CACNA1C: variants seen among roughly 807,000 people sequenced by gnomAD.
CACNA1C encodes calcium voltage-gated channel subunit alpha1 C.
In CACNA1C, 30 loss-of-function variants were observed where a neutral mutation model predicts 229.0. That is an observed-to-expected ratio of 0.13 (90% CI 0.10 to 0.18). The LOEUF is 0.18. Ranked by LOEUF, CACNA1C falls within the 10% of genes least tolerant of loss-of-function variation. The pLI is 1.00. For synonymous variants in CACNA1C, 1,114 were observed against 1,132.5 expected, an observed-to-expected ratio of 0.98 and a Z score of 0.33; for missense variants, 1,658 against 2,845.0, an observed-to-expected ratio of 0.58 and a Z score of 9.49.
At chr12:2,244,894 C>G (rs150142379) in intron 3 of CACNA1C, among the ~76,000 whole-genome samples, 3 of 152,242 alleles carry the variant, frequency 2.0e-5, no homozygotes, top group Non-Finnish European at 4.4e-5. Flanking sequence ...CTTTTATCAA[C>G]AAAAAACAAA....
intron 29 of CACNA1C, among the ~76,000 whole-genome samples, chr12:2,618,330 T>G (rs538547692): frequency 1.3e-5 from 2 of 152,286 alleles, no homozygotes; most frequent in African/African-American, 4.8e-5. Flanking sequence ...TCAGTCTGGA[T>G]GGTAATCAGA....
chr12:2,695,699 A>G lies in CACNA1C; in HGVS notation c.*4500A>G, dbSNP rs957096746. On this transcript the variant is annotated 3_prime_UTR_variant, in exon 47 of 47. Coordinates refer to ENST00000399655, the MANE Select transcript of CACNA1C (RefSeq NM_000719.7). Reference sequence around the variant, plus strand: ...TCCTCCCCAACACCTAGTGAGAAAGACGGTGCGTGGAAGGGAGTCCCATGG... The same window carrying G: ...TCCTCCCCAACACCTAGTGAGAAAGGCGGTGCGTGGAAGGGAGTCCCATGG... 1 of 152,204 alleles carries G rather than the reference A, an allele frequency of 6.6e-6. No homozygotes were observed. Among genetic ancestry groups the G allele is most frequent in the African/African-American group, 2.4e-5 (1 of 41,434 alleles). 9.4% of individuals were successfully genotyped at this position (152,204 alleles called of 1,614,324 possible). A position where few individuals can be genotyped will look rare whatever the true frequency, so the allele number is the denominator to read the frequency against.
chr12:2,093,858 A>AC (rs1334539856), intron 1 of CACNA1C, among the ~76,000 whole-genome samples: 1 of 152,198 alleles, frequency 6.6e-6, no homozygotes. Flanking sequence ...CTGCCAGGGG[A>AC]CCACCCAATA....
chr12:2,682,261 A>G (rs897229176), intron 42 of CACNA1C, among the ~76,000 whole-genome samples: 3 of 152,058 alleles, frequency 2.0e-5, no homozygotes, highest in Non-Finnish European at 4.4e-5. Context: ...GAGGTGGACC[A>G]AGTGACTTGG....
chr12:2,390,082 T>C (rs2098457783), intron 3 of CACNA1C, among the ~76,000 whole-genome samples: 1 of 152,204 alleles, frequency 6.6e-6, no homozygotes, highest in African/African-American at 2.4e-5. Flanking sequence ...TTTGACCCAT[T>C]CCCTTTAATT....
At chr12:2,052,567 GGGGGGCGCGACGCCGCCGGCGGGGCGCGA>G (rs2052523129), upstream of CACNA1C, among the ~76,000 whole-genome samples, 1 of 147,542 alleles carries the variant, frequency 6.8e-6, no homozygotes, top group Admixed American at 6.7e-5. Context: ...AGGCCGGCGC[GGGGGGCGCGACGCCGCCGGCGGGGCGCGA>G]GGGGGTGTGT....
intron 13 of CACNA1C, among the ~76,000 whole-genome samples, chr12:2,579,557 G>GTAT (rs142973880): frequency 0.05 from 7,567 of 151,878 alleles, 652 homozygotes; most frequent in African/African-American, 0.17. Flanking sequence ...ACCCCTACTG[G>GTAT]TATTGTTGTT....
At chr12:1,990,271 T>C (rs1156900073) in intron 1 of CACNA1C, among the ~76,000 whole-genome samples, 1 of 152,242 alleles carries the variant, frequency 6.6e-6, no homozygotes, top group Non-Finnish European at 1.5e-5. Flanking sequence ...TAAATGTTTG[T>C]TGAATAAATG....
chr12:2,007,386 A>G (rs368440811), intron 1 of CACNA1C, among the ~76,000 whole-genome samples: 2 of 152,238 alleles, frequency 1.3e-5, no homozygotes, highest in African/African-American at 4.8e-5. Context: ...GGCCATTGTA[A>G]AAGCTTAAAT....
intron 4 of CACNA1C, among the ~76,000 whole-genome samples, chr12:2,453,008 T>C (rs916821786): frequency 3.9e-5 from 6 of 152,070 alleles, no homozygotes; most frequent in African/African-American, 1.4e-4. Context: ...CCAGCTAACA[T>C]AGGAAGCCAT....
At position 2,601,403 on chromosome 12, in the gene CACNA1C, C is replaced by T. The variant is rs920518314; in HGVS notation, c.2854-451C>T. On this transcript the variant is annotated intron_variant, in intron 21 of 46. Coordinates refer to ENST00000399655, the MANE Select transcript of CACNA1C (RefSeq NM_000719.7). This position sits in a 1 kb window ranked among gnomAD's most constrained non-coding sequence, Gnocchi z 5.9. ...GGCATGCCCCGCCCCCCAACCCACC[C>T]ACTCACGGCAGATGTCTGGTGCTCT... Among the ~76,000 whole-genome samples the T allele has an allele frequency of 3.3e-5, 5 of 152,166 alleles. No homozygotes were observed. Among genetic ancestry groups the T allele is most frequent in the African/African-American group, 1.2e-4 (5 of 41,450 alleles).
intron 3 of CACNA1C, among the ~76,000 whole-genome samples, chr12:2,306,286 C>T (rs1330790897): frequency 6.6e-6 from 1 of 152,194 alleles, no homozygotes; most frequent in Non-Finnish European, 1.5e-5. Flanking sequence ...AGCAGATCAG[C>T]CCACCTTCAG....
chr12:2,438,359 A>ATGGTGGTGGTGGTGG (rs1555574731), intron 3 of CACNA1C, among the ~76,000 whole-genome samples: 1 of 137,158 alleles, frequency 7.3e-6, no homozygotes, highest in African/African-American at 2.8e-5. Context: ...GGTGGTGGTA[A>ATGGTGGTGGTGGTGG]TGATGGTGGT....
At chr12:2,581,897 G>C (rs1195792644) in intron 14 of CACNA1C, 100 bp downstream of exon 14, 2 of 724,892 alleles carry the variant, frequency 2.8e-6, no homozygotes, top group Non-Finnish European at 2.4e-6. Context: ...GGCAGCCACA[G>C]CCATCCTAGA....
chr12:2,312,391 C>T (rs1156574703), intron 3 of CACNA1C, among the ~76,000 whole-genome samples: 1 of 152,118 alleles, frequency 6.6e-6, no homozygotes, highest in African/African-American at 2.4e-5. Flanking sequence ...TTGCCGGTTC[C>T]TCCCTCTTTA....
chr12:2,329,111 G>T (rs764146997), intron 3 of CACNA1C, among the ~76,000 whole-genome samples: 2 of 152,062 alleles, frequency 1.3e-5, no homozygotes, highest in African/African-American at 2.4e-5. Flanking sequence ...AGCAATGTTG[G>T]TATACAATGG....
chr12:2,688,399 T>C (rs1334870061), intron 45 of CACNA1C, 48 bp from the exon 46 acceptor site: 1 of 1,573,290 alleles, frequency 6.4e-7, no homozygotes, highest in Non-Finnish European at 8.7e-7. Context: ...GCCTGCCTTG[T>C]TTGGGGTCGG....
intron 15 of CACNA1C, 128 bp downstream of exon 15, chr12:2,583,070 A>G (rs1042173908): frequency 4.7e-6 from 3 of 644,774 alleles, no homozygotes; most frequent in Non-Finnish European, 5.4e-6. Context: ...CTAGAACCCC[A>G]TGGCGGCGGA....
In CACNA1C at chr12:2,562,966, A is replaced by G. The variant is rs368311286; in HGVS notation, c.1509-3456A>G. ...TCACCATCCTTCTCTCCTATGTTGT[A>G]TGATCAAATATTACATCATATTTAT... On this transcript the variant is annotated intron_variant, in intron 11 of 46. Coordinates refer to ENST00000399655, the MANE Select transcript of CACNA1C (RefSeq NM_000719.7). 5.3e-5 allele frequency among the ~76,000 whole-genome samples: 8 copies of G among 152,354 alleles called. No homozygotes were observed. The South Asian group carries it at 6.2e-4, about 12-fold the overall frequency.
Sources: gnomAD v4.1 joint callset for allele counts (sites outside exome capture counted in the v4.1 genomes callset) on GRCh38, gnomAD v4.1.1 for gene constraint, Gnocchi (gnomAD v3.1) non-coding constraint, MANE v1.5 for transcripts, NCBI Gene and HGNC (gene_info 2026-07-23, HGNC 2026-07-21) for gene names.